SRPK2: variants seen among roughly 807,000 people sequenced by gnomAD.
SRPK2 encodes SRSF protein kinase 2.
In SRPK2, 21 loss-of-function variants were observed where a neutral mutation model predicts 90.8. The observed-to-expected ratio is 0.23, with a 90% CI of 0.16 to 0.33. SRPK2 has a LOEUF of 0.33. Among genes scored for constraint, SRPK2 ranks in the 10% least tolerant of loss-of-function variants. SRPK2 has a pLI of 1.00. For synonymous variants in SRPK2, 288 were observed against 311.1 expected (o/e 0.93, Z 0.78); for missense variants, 620 against 869.0 (o/e 0.71, Z 3.60).
At chr7:105,144,241 A>ATTTTT (rs35535485) in intron 9 of SRPK2, among the ~76,000 whole-genome samples, 1 of 117,190 alleles carries the variant, frequency 8.5e-6, no homozygotes, top group Non-Finnish European at 1.7e-5. Flanking sequence ...CACCCGGCTA[A>ATTTTT]TTTTTTTTTT....
intron 2 of SRPK2, among the ~76,000 whole-genome samples, chr7:105,296,271 A>C (rs565385429): frequency 6.6e-6 from 1 of 152,340 alleles, no homozygotes; most frequent in South Asian, 2.1e-4. Context: ...TCATACACAG[A>C]GAAGCAAGAA....
At chr7:105,222,135 A>T (rs1798169338) in intron 2 of SRPK2, among the ~76,000 whole-genome samples, 1 of 152,176 alleles carries the variant, frequency 6.6e-6, no homozygotes, top group Admixed American at 6.5e-5. Flanking sequence ...CTTTGTCTAT[A>T]CCTTACCAAT....
intron 2 of SRPK2, among the ~76,000 whole-genome samples, chr7:105,214,513 C>G (rs1797214114): frequency 6.6e-6 from 1 of 152,108 alleles, no homozygotes; most frequent in African/African-American, 2.4e-5. Flanking sequence ...ATATTGGGAT[C>G]TAAATGTCTA....
At chr7:105,290,703 G>A (rs1382992865) in intron 2 of SRPK2, among the ~76,000 whole-genome samples, 3 of 152,108 alleles carry the variant, frequency 2.0e-5, no homozygotes, top group African/African-American at 7.2e-5. Context: ...GGTGGCACAC[G>A]TCTATACTAC....
chr7:105,360,991 A>T (rs902502421), intron 2 of SRPK2, among the ~76,000 whole-genome samples: 1 of 152,160 alleles, frequency 6.6e-6, no homozygotes, highest in South Asian at 2.1e-4. Context: ...CAATCAGGCA[A>T]GAGAAAGAAA....
intron 15 of SRPK2, 62 bp downstream of exon 15, chr7:105,126,186 T>C: frequency 7.6e-7 from 1 of 1,321,078 alleles, no homozygotes; most frequent in Non-Finnish European, 1.1e-6. Context: ...AATGCTAAAA[T>C]CAGCAGCTGC....
At chr7:105,341,408 C>CA (rs1244693802) in intron 2 of SRPK2, among the ~76,000 whole-genome samples, 3 of 148,808 alleles carry the variant, frequency 2.0e-5, no homozygotes, top group African/African-American at 7.6e-5. Flanking sequence ...ACGCATACCT[C>CA]ATGCCTGTAA....
In SRPK2 at chr7:105,323,258, T is replaced by G. The variant is rs1235701709; in HGVS notation, c.71+65390A>C. Among the ~76,000 whole-genome samples the G allele has an allele frequency of 9.2e-5, 14 of 152,314 alleles. No individual in the cohort carries two copies. In the East Asian group the frequency reaches 2.5e-3, roughly 27 times the overall value. ...CATTTACATAAATATTGAAATTTTA[T>G]GCTAGAGACAAAAATGCTAGAGAAA... On this transcript the variant is annotated intron_variant, in intron 2 of 15. Coordinates refer to ENST00000393651, the MANE Select transcript of SRPK2 (RefSeq NM_182692.3).
intron 7 of SRPK2, among the ~76,000 whole-genome samples, chr7:105,155,612 C>A (rs1806383375): frequency 6.6e-6 from 1 of 152,120 alleles, no homozygotes; most frequent in Admixed American, 6.5e-5. Context: ...GTGCCAGCAG[C>A]CCTAGGGTTG....
At chr7:105,248,145 G>T (rs910885877) in intron 2 of SRPK2, among the ~76,000 whole-genome samples, 1 of 152,106 alleles carries the variant, frequency 6.6e-6, no homozygotes, top group African/African-American at 2.4e-5. Context: ...GAGCCACTGC[G>T]CCCAGTCGGC....
At chr7:105,273,719 T>C (rs976418754) in intron 2 of SRPK2, among the ~76,000 whole-genome samples, 3 of 152,208 alleles carry the variant, frequency 2.0e-5, no homozygotes, top group Non-Finnish European at 2.9e-5. Context: ...AAATTACTTG[T>C]TTCAGTCCCC....
intron 7 of SRPK2, among the ~76,000 whole-genome samples, chr7:105,152,573 A>G (rs1805856753): frequency 6.6e-6 from 1 of 152,246 alleles, no homozygotes; most frequent in Non-Finnish European, 1.5e-5. Flanking sequence ...TTATTTATAC[A>G]GGATAACTGT....
In SRPK2 at chr7:105,383,052, A is replaced by ATTTTTTTTTTTTTTTT. The variant is rs1563315577; in HGVS notation, c.71+5595_71+5596insAAAAAAAAAAAAAAAA. On this transcript the variant is annotated intron_variant, in intron 2 of 15. Coordinates refer to ENST00000393651, the MANE Select transcript of SRPK2 (RefSeq NM_182692.3). ...AGTCTGAAATTATTTCAAAAGTAAA[A>ATTTTTTTTTTTTTTTT]ATTTTTTTTTTTTTTTTTTTTTTTT... Among the ~76,000 whole-genome samples the ATTTTTTTTTTTTTTTT allele has an allele frequency of 7.6e-5, 8 of 105,276 alleles. 2 individuals are homozygous for ATTTTTTTTTTTTTTTT. The highest frequency in any genetic ancestry group is 3.0e-4 in the African/African-American group (8 of 26,488). The allele number at this position is 105,276 out of a possible 152,430, so 69.1% of individuals were successfully genotyped here.
chr7:105,156,715 G>A (rs1391343232), intron 7 of SRPK2, among the ~76,000 whole-genome samples: 1 of 152,080 alleles, frequency 6.6e-6, no homozygotes, highest in African/African-American at 2.4e-5. Flanking sequence ...TGTTGCCCAG[G>A]TTGGTCTTGA....
At chr7:105,384,799 C>G (rs1467822909) in intron 2 of SRPK2, among the ~76,000 whole-genome samples, 2 of 152,142 alleles carry the variant, frequency 1.3e-5, no homozygotes, top group Admixed American at 1.3e-4. Flanking sequence ...CTCAACGTCA[C>G]CCGGTTTCCC....
intron 13 of SRPK2, among the ~76,000 whole-genome samples, chr7:105,127,903 T>C (rs1239118602): frequency 6.6e-6 from 1 of 152,258 alleles, no homozygotes; most frequent in African/African-American, 2.4e-5. Context: ...TGAACGGATC[T>C]TGCTGTCCCA....
chr7:105,276,843 C>G (rs968533576), intron 2 of SRPK2, among the ~76,000 whole-genome samples: 1 of 152,102 alleles, frequency 6.6e-6, no homozygotes, highest in African/African-American at 2.4e-5. Flanking sequence ...GCTTCAAAAC[C>G]ACACGCTTCT....
rs533043092 is a variant in SRPK2 at position 105,256,419 on chromosome 7, G to T, written c.72-52634C>A. Among the ~76,000 whole-genome samples, 8 of 152,238 alleles carry T rather than the reference G, an allele frequency of 5.3e-5. No individual in the cohort carries two copies. In the East Asian group the frequency reaches 1.5e-3, roughly 29 times the overall value. ...CACCCAGGCTGGAGTGCAATGGTGC[G>T]ATCACAGCTCACTGTAACCTCAAAC... On this transcript the variant is annotated intron_variant, in intron 2 of 15. Transcript: ENST00000393651.
At chr7:105,230,889 A>G (rs989063969) in intron 2 of SRPK2, among the ~76,000 whole-genome samples, 1 of 152,228 alleles carries the variant, frequency 6.6e-6, no homozygotes, top group African/African-American at 2.4e-5. Context: ...CAGCCAACAT[A>G]TTGTTAATAC....
Sources: allele counts gnomAD v4.1 joint callset (sites outside exome capture counted in the v4.1 genomes callset), GRCh38; gene constraint gnomAD v4.1.1; transcripts MANE v1.5; gene names NCBI Gene and HGNC (gene_info 2026-07-23, HGNC 2026-07-21).